Variants in STX8 observed in about 807,000 individuals in gnomAD.
STX8 encodes the protein syntaxin 8, also known as syntaxin-8.
STX8 carries 23 observed loss-of-function variants against 37.5 expected under a neutral mutation model. The ratio of observed to expected loss-of-function variants is 0.61; its 90% CI spans 0.44 to 0.87. The LOEUF (loss-of-function observed/expected upper bound fraction) is 0.87. Among genes scored for constraint, STX8 ranks in the 40% least tolerant of loss-of-function variants. The pLI, the probability that STX8 is intolerant of heterozygous loss-of-function variation, is 0.00. For missense variants in STX8, 313 were observed against 284.7 expected (o/e 1.10, Z -0.71); for synonymous variants, 115 against 99.1 (o/e 1.16, Z -0.95).
At chr17:9,469,728 A>C (rs1905768234) in intron 6 of STX8, 6 of 152,220 alleles carry the variant, frequency 3.9e-5, no homozygotes, top group South Asian at 4.1e-4. Context: ...GAAAATGGTA[A>C]AATGAGTCTT....
intron 7 of STX8, among the ~76,000 whole-genome samples, chr17:9,376,487 G>A (rs542322768): frequency 6.6e-6 from 1 of 150,874 alleles, no homozygotes; most frequent in South Asian, 2.1e-4. Context: ...CTGTAAAATA[G>A]ACCAATCAGC....
chr17:9,336,526 C>T (rs1910145796), intron 7 of STX8, among the ~76,000 whole-genome samples: 1 of 152,070 alleles, frequency 6.6e-6, no homozygotes, highest in South Asian at 2.1e-4. Flanking sequence ...ACCTCCGCTT[C>T]CCAGGTTAAA....
intron 4 of STX8, among the ~76,000 whole-genome samples, chr17:9,505,905 G>A (rs1438529039): frequency 7.0e-6 from 1 of 143,376 alleles, no homozygotes; most frequent in Non-Finnish European, 1.5e-5. Context: ...TGGCGCCACT[G>A]CACTGCAGCC....
At chr17:9,537,662 G>C (rs1193124123) in intron 4 of STX8, among the ~76,000 whole-genome samples, 2 of 152,172 alleles carry the variant, frequency 1.3e-5, no homozygotes, top group African/African-American at 4.8e-5. Flanking sequence ...GGAAGATACA[G>C]AAAAGTGCAT....
intron 7 of STX8, among the ~76,000 whole-genome samples, chr17:9,328,486 TG>T (rs1307949621): frequency 6.6e-6 from 1 of 152,112 alleles, no homozygotes; most frequent in Non-Finnish European, 1.5e-5. Context: ...CTTCTGAACG[TG>T]GGAATCCTTT....
chr17:9,302,023 A>C (rs1356492838), intron 7 of STX8, among the ~76,000 whole-genome samples: 3 of 152,186 alleles, frequency 2.0e-5, no homozygotes, highest in Non-Finnish European at 4.4e-5. Flanking sequence ...TTTCCTGGAA[A>C]GTTTGAAATA....
intron 7 of STX8, among the ~76,000 whole-genome samples, chr17:9,344,324 G>T (rs780303917): frequency 1.3e-5 from 2 of 150,652 alleles, no homozygotes; most frequent in Non-Finnish European, 2.9e-5. Flanking sequence ...GCAATGTCGT[G>T]ATCTTGTCTC....
chr17:9,333,024 G>A (rs949779220), intron 7 of STX8, among the ~76,000 whole-genome samples: 6 of 152,278 alleles, frequency 3.9e-5, no homozygotes, highest in Middle Eastern at 3.4e-3. Flanking sequence ...CGAGAATGAA[G>A]ATATGCGTCC....
intron 7 of STX8, among the ~76,000 whole-genome samples, chr17:9,317,719 T>C (rs1017001322): frequency 6.6e-6 from 1 of 151,346 alleles, no homozygotes; most frequent in African/African-American, 2.4e-5. Flanking sequence ...TGAGCCGAGA[T>C]TGCACCACTG....
At chr17:9,558,174 G>C (rs1907056502) in intron 2 of STX8, among the ~76,000 whole-genome samples, 1 of 152,202 alleles carries the variant, frequency 6.6e-6, no homozygotes. Context: ...AAGAGGGCGA[G>C]AAGAGAGTCT....
intron 7 of STX8, among the ~76,000 whole-genome samples, chr17:9,336,321 T>C (rs913431198): frequency 5.9e-5 from 9 of 152,318 alleles, no homozygotes; most frequent in African/African-American, 9.6e-5. Context: ...AAAACGACCA[T>C]GCCAGGAATG....
chr17:9,551,164 C>CA (rs1906746094), intron 3 of STX8, among the ~76,000 whole-genome samples: 1 of 152,046 alleles, frequency 6.6e-6, no homozygotes, highest in African/African-American at 2.4e-5. Flanking sequence ...TTCTCCATGC[C>CA]AAAAAAGAAG....
chr17:9,515,666 G>A (rs1028598401), intron 4 of STX8, among the ~76,000 whole-genome samples: 1 of 152,160 alleles, frequency 6.6e-6, no homozygotes, highest in African/African-American at 2.4e-5. Context: ...GGGACTACAG[G>A]TGCGTGCCTC....
intron 7 of STX8, among the ~76,000 whole-genome samples, chr17:9,288,871 T>C (rs1908200560): frequency 6.6e-6 from 1 of 151,700 alleles, no homozygotes; most frequent in South Asian, 2.1e-4. Context: ...ACACAGGAGG[T>C]AATCATGAAA....
chr17:9,349,316 C>CTTTTTTTT (rs61627405), intron 7 of STX8, among the ~76,000 whole-genome samples: 8 of 109,798 alleles, frequency 7.3e-5, no homozygotes, highest in African/African-American at 2.5e-4. Flanking sequence ...ATTTTCTTTT[C>CTTTTTTTT]TTTTTTTTTT....
chr17:9,371,056 C>T (rs1288101826), intron 7 of STX8, among the ~76,000 whole-genome samples: 1 of 152,082 alleles, frequency 6.6e-6, no homozygotes, highest in Non-Finnish European at 1.5e-5. Flanking sequence ...GAAAGGTTCA[C>T]AAAGAGGTAC....
chr17:9,426,452 A>C (rs993802106), intron 6 of STX8, among the ~76,000 whole-genome samples: 1 of 152,124 alleles, frequency 6.6e-6, no homozygotes, highest in Non-Finnish European at 1.5e-5. Context: ...GCTTGAACCT[A>C]GGAGGCAGAG....
chr17:9,308,396 G>C (rs968472255), intron 7 of STX8, among the ~76,000 whole-genome samples: 2 of 152,168 alleles, frequency 1.3e-5, no homozygotes, highest in African/African-American at 4.8e-5. Context: ...CGTTTTGAGG[G>C]AGAAAGGTTC....
chr17:9,537,691 A>G (rs888277101), intron 4 of STX8, among the ~76,000 whole-genome samples: 1 of 152,218 alleles, frequency 6.6e-6, no homozygotes, highest in Non-Finnish European at 1.5e-5. Flanking sequence ...TCATTCATTG[A>G]GCAATTACTT....
Sources: gnomAD v4.1 joint callset for allele counts (sites outside exome capture counted in the v4.1 genomes callset) on GRCh38, gnomAD v4.1.1 for gene constraint, MANE v1.5 for transcripts, NCBI Gene and HGNC (gene_info 2026-07-23, HGNC 2026-07-21) for gene names.